The following MACROD2 variants were observed in gnomAD, a reference collection of about 807,000 sequenced individuals.
The protein encoded by MACROD2 is ADP-ribose glycohydrolase MACROD2.
In MACROD2, 36 loss-of-function variants were observed where a neutral mutation model predicts 70.4. That is an observed-to-expected ratio of 0.51 (90% CI 0.39 to 0.68). MACROD2 has a LOEUF of 0.68. MACROD2 is among the 30% of genes least tolerant of loss of function. The probability of loss-of-function intolerance (pLI) is 0.00; values close to 1 mark genes in which losing one functional copy is unlikely to be tolerated. For synonymous variants in MACROD2, 172 were observed against 178.8 expected, an observed-to-expected ratio of 0.96 and a Z score of 0.30; for missense variants, 496 against 538.4, an observed-to-expected ratio of 0.92 and a Z score of 0.78.
chr20:14,801,937 T>TA lies in MACROD2; in HGVS notation c.418+116980dup, dbSNP rs745854853. Among the ~76,000 whole-genome samples, 21 of 152,078 alleles carry TA rather than the reference T, an allele frequency of 1.4e-4. 1 individual carries two copies. The highest frequency in any genetic ancestry group is 2.8e-4 in the Non-Finnish European group (19 of 68,010). On this transcript the variant is annotated intron_variant, in intron 5 of 17. Coordinates refer to ENST00000684519, the MANE Select transcript of MACROD2 (RefSeq NM_001351661.2). Reference sequence around the variant, plus strand: ...GATGAAATTGTAGAAACCTCTCTCTTAAGTTTCATCCAGAAAAGGTACAGG... The same window carrying TA: ...GATGAAATTGTAGAAACCTCTCTCTTAAAGTTTCATCCAGAAAAGGTACAGG...
In MACROD2 at chr20:14,993,360, CT is replaced by C. The variant is rs543976814; in HGVS notation, c.419-236579del. Among the ~76,000 whole-genome samples the C allele has an allele frequency of 2.4e-3, 360 of 151,890 alleles. 2 individuals carry two copies. Among genetic ancestry groups the C allele is most frequent in the African/African-American group, 8.5e-3 (350 of 41,406 alleles). ...CCCTCAAATTCTTGGAAGTGTGCCC[CT>C]GGGATAAAGTTTTGGGGTAAACTTT... On this transcript the variant is annotated intron_variant, in intron 5 of 17. Coordinates refer to ENST00000684519, the MANE Select transcript of MACROD2 (RefSeq NM_001351661.2).
intron 8 of MACROD2, among the ~76,000 whole-genome samples, chr20:15,773,385 T>G (rs1464331812): frequency 6.6e-6 from 1 of 152,138 alleles, no homozygotes; most frequent in African/African-American, 2.4e-5. Context: ...AACTTGATTC[T>G]GCTGCAAATC....
At chr20:14,541,278 G>A (rs935812148) in intron 4 of MACROD2, among the ~76,000 whole-genome samples, 6 of 152,040 alleles carry the variant, frequency 3.9e-5, no homozygotes, top group Non-Finnish European at 8.8e-5. Context: ...GTGCATTTAA[G>A]GTCTTCCCAT....
chr20:15,737,547 C>A (rs1355585941), intron 8 of MACROD2, among the ~76,000 whole-genome samples: 2 of 152,174 alleles, frequency 1.3e-5, no homozygotes, highest in Admixed American at 1.3e-4. Flanking sequence ...AGTTGATGTG[C>A]ATGAAAATGT....
At chr20:14,646,892 G>T (rs1342240725) in intron 4 of MACROD2, among the ~76,000 whole-genome samples, 3 of 152,074 alleles carry the variant, frequency 2.0e-5, no homozygotes, top group Non-Finnish European at 4.4e-5. Flanking sequence ...GTGTGTTTGT[G>T]TGTTTCTTCA....
chr20:16,002,897 G>A (rs1037882672), intron 15 of MACROD2, among the ~76,000 whole-genome samples: 2 of 152,098 alleles, frequency 1.3e-5, no homozygotes, highest in African/African-American at 2.4e-5. Context: ...CTTCTTTTGG[G>A]TGGTGATGAG....
intron 5 of MACROD2, among the ~76,000 whole-genome samples, chr20:14,972,924 C>T (rs1175667387): frequency 6.6e-6 from 1 of 152,206 alleles, no homozygotes; most frequent in African/African-American, 2.4e-5. Context: ...CGCTGTTATC[C>T]TTTCATTCAC....
chr20:15,611,440 A>T (rs1266519670), intron 8 of MACROD2, among the ~76,000 whole-genome samples: 1 of 152,156 alleles, frequency 6.6e-6, no homozygotes, highest in African/African-American at 2.4e-5. Context: ...GCCATTTTTT[A>T]TACCTATGGT....
chr20:15,211,250 C>G (rs1424772231), intron 5 of MACROD2, among the ~76,000 whole-genome samples: 3 of 152,180 alleles, frequency 2.0e-5, no homozygotes, highest in African/African-American at 7.2e-5. Flanking sequence ...CCATGGTTCA[C>G]TCATATTGTA....
intron 2 of MACROD2, among the ~76,000 whole-genome samples, chr20:14,077,838 A>G (rs762932944): frequency 6.6e-6 from 1 of 152,108 alleles, no homozygotes; most frequent in Non-Finnish European, 1.5e-5. Context: ...TGTTAAAGCA[A>G]CAAAGTTTTC....
intron 3 of MACROD2, among the ~76,000 whole-genome samples, chr20:14,121,506 A>T (rs934222064): frequency 2.6e-5 from 4 of 151,756 alleles, no homozygotes; most frequent in African/African-American, 9.7e-5. Context: ...GGGTTTTAGG[A>T]CTCCTTGTCT....
At chr20:14,592,490 T>C (rs1022942) in intron 4 of MACROD2, among the ~76,000 whole-genome samples, 97,402 of 151,998 alleles carry the variant, frequency 0.64, 32,820 homozygotes, top group East Asian at 0.93. Context: ...GTGGCGTGAT[T>C]ACAGCTCACT....
chr20:14,007,834 A>G (rs1057108044), intron 2 of MACROD2, among the ~76,000 whole-genome samples: 1 of 152,206 alleles, frequency 6.6e-6, no homozygotes, highest in African/African-American at 2.4e-5. Context: ...GAAAGCAGCT[A>G]TGGCTATAAG....
intron 7 of MACROD2, among the ~76,000 whole-genome samples, chr20:15,493,407 G>T (rs574369843): frequency 2.0e-5 from 3 of 152,084 alleles, no homozygotes; most frequent in Admixed American, 6.6e-5. Flanking sequence ...TTGATTTAAA[G>T]TATCACCATA....
chr20:14,673,125 G>T (rs893425144), intron 4 of MACROD2, among the ~76,000 whole-genome samples: 1 of 152,138 alleles, frequency 6.6e-6, no homozygotes, highest in Admixed American at 6.6e-5. Context: ...AGTTAATATT[G>T]CTTGCTTTCA....
At chr20:15,654,527 T>G (rs2049698869) in intron 8 of MACROD2, among the ~76,000 whole-genome samples, 1 of 152,202 alleles carries the variant, frequency 6.6e-6, no homozygotes, top group Admixed American at 6.5e-5. Context: ...TCTCTCCCTC[T>G]TCCCTAAGCA....
At chr20:14,560,857 A>G (rs1249287525) in intron 4 of MACROD2, among the ~76,000 whole-genome samples, 2 of 151,840 alleles carry the variant, frequency 1.3e-5, no homozygotes, top group Non-Finnish European at 2.9e-5. Flanking sequence ...TTGAATTTTA[A>G]TTTGCCTTTT....
chr20:15,218,535 T>C (rs1299634446), intron 5 of MACROD2, among the ~76,000 whole-genome samples: 1 of 152,210 alleles, frequency 6.6e-6, no homozygotes. Context: ...CTTTACTCCA[T>C]GATGTCTTAT....
chr20:15,170,838 A>G, intron 5 of MACROD2, among the ~76,000 whole-genome samples: 1 of 152,220 alleles, frequency 6.6e-6, no homozygotes, highest in East Asian at 1.9e-4. Flanking sequence ...AGAGTTGAAA[A>G]TACCAAGTGT....
Sources: gnomAD v4.1 joint callset for allele counts (sites outside exome capture counted in the v4.1 genomes callset) on GRCh38, gnomAD v4.1.1 for gene constraint, MANE v1.5 for transcripts, NCBI Gene and HGNC (gene_info 2026-07-23, HGNC 2026-07-21) for gene names.